The following PHF20 variants were observed in gnomAD, a reference collection of about 807,000 sequenced individuals.
PHF20 encodes the protein PHD finger protein 20, also known as glioma-expressed antigen 2.
PHF20 carries 23 observed loss-of-function variants against 113.5 expected under a neutral mutation model. The ratio of observed to expected loss-of-function variants is 0.20; its 90% CI spans 0.15 to 0.29. PHF20 has a LOEUF of 0.29. Among genes scored for constraint, PHF20 ranks in the 10% least tolerant of loss-of-function variants. PHF20 has a pLI of 1.00. For missense variants in PHF20, 943 were observed against 1,219.6 expected, an observed-to-expected ratio of 0.77 and a Z score of 3.38; for synonymous variants, 434 against 457.3, an observed-to-expected ratio of 0.95 and a Z score of 0.65.
At chr20:35,813,282 T>A (rs1467422969) in intron 2 of PHF20, among the ~76,000 whole-genome samples, 2 of 152,128 alleles carry the variant, frequency 1.3e-5, no homozygotes, top group East Asian at 3.9e-4. Context: ...CCATTTTTAT[T>A]CTTTTAAAGT....
intron 1 of PHF20, among the ~76,000 whole-genome samples, chr20:35,792,954 T>C (rs182821069): frequency 1.6e-3 from 251 of 152,250 alleles, no homozygotes; most frequent in African/African-American, 5.9e-3. Flanking sequence ...GGAGCCAGAA[T>C]TGGTTAGAAT....
Position 35,847,405 on chromosome 20 carries a change from C to A in PHF20, c.311C>A (p.Pro104Gln). 2.5e-6 allele frequency: 4 copies of A among 1,612,012 alleles called. No homozygotes were observed. The highest frequency in any genetic ancestry group is 3.4e-6 in the Non-Finnish European group (4 of 1,178,666). ...TGCTGGTCTGATTGTCGTTTTTACCCGGCCAAAGTCACTGCTGTTAACAAG... is the reference window on the plus strand; with the variant it reads ...TGCTGGTCTGATTGTCGTTTTTACCAGGCCAAAGTCACTGCTGTTAACAAG... ...LACWSDCRFY[P>Q]AKVTAVNKDG... The change falls in exon 4 of 18, where the codon CCG (proline) becomes CAG (glutamine). Residue 104 changes from proline to glutamine, a missense_variant. Physicochemically the swap from Pro to Gln is moderately conservative, Grantham distance 76. This residue lies in a region of PHF20 where 592 missense variants were observed against 787.2 expected (regional missense o/e 0.75). Coordinates refer to ENST00000374012, the MANE Select transcript of PHF20 (RefSeq NM_016436.5).
chr20:35,884,444 G>A lies in PHF20; in HGVS notation c.1282+12615G>A, dbSNP rs559382011. On this transcript the variant is annotated intron_variant, in intron 9 of 17. Transcript: ENST00000374012. ...ATTTGGGGCAGCTCTGCCACCTTGT[G>A]GAATGAGTGCTCAGTGATTTCTGTG... 2.6e-5 allele frequency among the ~76,000 whole-genome samples: 4 copies of A among 152,294 alleles called. No individual in the cohort carries two copies. In the South Asian group the frequency reaches 8.3e-4, roughly 32 times the overall value.
At chr20:35,910,629 T>C (rs6060676) in intron 10 of PHF20, among the ~76,000 whole-genome samples, 14,705 of 151,842 alleles carry the variant, frequency 0.097, 767 homozygotes, top group Middle Eastern at 0.15. Flanking sequence ...GTGTGTTTTC[T>C]CTCTTTTTTC....
chr20:35,829,945 G>A (rs1239992937), intron 2 of PHF20, among the ~76,000 whole-genome samples: 4 of 148,636 alleles, frequency 2.7e-5, no homozygotes, highest in Admixed American at 1.3e-4. Flanking sequence ...ATGGAGTTTC[G>A]CTCTGTCACC....
At chr20:35,936,797 A>G (rs1345774662) in intron 15 of PHF20, among the ~76,000 whole-genome samples, 2 of 152,252 alleles carry the variant, frequency 1.3e-5, no homozygotes, top group Non-Finnish European at 2.9e-5. Context: ...TCACATTTGA[A>G]GAGCACTTTA....
At chr20:35,829,521 T>C (rs1209216222) in intron 2 of PHF20, among the ~76,000 whole-genome samples, 3 of 143,392 alleles carry the variant, frequency 2.1e-5, no homozygotes, top group Non-Finnish European at 3.0e-5. Context: ...AATTTTTGTA[T>C]TTTTAGTAGA....
chr20:35,795,367 T>C (rs1192945360), intron 1 of PHF20, among the ~76,000 whole-genome samples: 1 of 151,874 alleles, frequency 6.6e-6, no homozygotes, highest in Non-Finnish European at 1.5e-5. Context: ...CCTGAGTAGC[T>C]GGGATTATAG....
chr20:35,782,178 G>A (rs6060597), intron 1 of PHF20: 133,278 of 151,852 alleles, frequency 0.88, 58,545 homozygotes, highest in East Asian at 0.92. Context: ...GAAATTGGTC[G>A]TGCTGTGACC....
intron 10 of PHF20, among the ~76,000 whole-genome samples, chr20:35,902,991 G>A (rs1040980152): frequency 7.4e-5 from 11 of 148,754 alleles, no homozygotes; most frequent in Middle Eastern, 3.6e-3. Flanking sequence ...TAATTAAGAA[G>A]CCTGAGTGAC....
At chr20:35,810,257 C>T (rs2041953285) in intron 2 of PHF20, among the ~76,000 whole-genome samples, 1 of 152,078 alleles carries the variant, frequency 6.6e-6, no homozygotes, top group Non-Finnish European at 1.5e-5. Context: ...GCCTGAAAGC[C>T]AAGCTACAAG....
chr20:35,937,933 G>A (rs887818418), intron 15 of PHF20, among the ~76,000 whole-genome samples: 1 of 151,896 alleles, frequency 6.6e-6, no homozygotes, highest in East Asian at 1.9e-4. Flanking sequence ...GTGCAGTGGC[G>A]CAATCTTGGC....
intron 12 of PHF20, among the ~76,000 whole-genome samples, chr20:35,914,996 A>G (rs1372259371): frequency 2.0e-5 from 3 of 148,248 alleles, no homozygotes; most frequent in African/African-American, 7.4e-5. Context: ...AATATGTTAT[A>G]TATATACATA....
chr20:35,834,801 A>G (rs1384532606), intron 2 of PHF20, among the ~76,000 whole-genome samples: 6 of 152,200 alleles, frequency 3.9e-5, no homozygotes. Flanking sequence ...TGCCCTGTAA[A>G]GTGCTTAGCA....
chr20:35,816,580 G>T (rs2042078480), intron 2 of PHF20, among the ~76,000 whole-genome samples: 1 of 151,438 alleles, frequency 6.6e-6, no homozygotes, highest in South Asian at 2.1e-4. Flanking sequence ...CTCCCATGTA[G>T]CTGGGAATAC....
At chr20:35,850,311 T>TTTTTTTTTG (rs2042700086) in intron 4 of PHF20, among the ~76,000 whole-genome samples, 2 of 112,400 alleles carry the variant, frequency 1.8e-5, no homozygotes, top group Non-Finnish European at 3.6e-5. Context: ...TTTTTTTTTT[T>TTTTTTTTTG]TTTTTTTTTT....
intron 4 of PHF20, among the ~76,000 whole-genome samples, chr20:35,851,757 A>G (rs2042736682): frequency 6.6e-6 from 1 of 152,114 alleles, no homozygotes; most frequent in South Asian, 2.1e-4. Context: ...TCTACTAAAA[A>G]TAGAAAAATT....
intron 8 of PHF20, among the ~76,000 whole-genome samples, 162 bp downstream of exon 8, chr20:35,871,296 A>G (rs1349550168): frequency 1.3e-5 from 2 of 152,146 alleles, no homozygotes; most frequent in Non-Finnish European, 2.9e-5. Flanking sequence ...TTCACTGATG[A>G]TTTATTCAAT....
chr20:35,877,067 A>G (rs1319913921), intron 9 of PHF20, among the ~76,000 whole-genome samples: 1 of 145,026 alleles, frequency 6.9e-6, no homozygotes, highest in Non-Finnish European at 1.5e-5. Context: ...AGATCATGCC[A>G]CTGCACTCCA....
Sources: gnomAD v4.1 joint callset for allele counts (sites outside exome capture counted in the v4.1 genomes callset) on GRCh38, gnomAD v4.1.1 for gene constraint, gnomAD v4.1.1 regional missense constraint, MANE v1.5 for transcripts, NCBI Gene and HGNC (gene_info 2026-07-23, HGNC 2026-07-21) for gene names.